Variants in MREG observed in about 807,000 individuals in gnomAD.
MREG encodes the protein melanoregulin.
A neutral mutation model predicts 28.5 loss-of-function variants in MREG; 31 were observed. The ratio of observed to expected loss-of-function variants is 1.09; its 90% CI spans 0.82 to 1.47. The LOEUF is 1.47. Ranked by LOEUF, MREG falls within the 40% of genes most tolerant of loss-of-function variation. The pLI is 0.00. For missense variants in MREG, 256 were observed against 257.4 expected, an observed-to-expected ratio of 0.99 and a Z score of 0.04; for synonymous variants, 106 against 95.2, an observed-to-expected ratio of 1.11 and a Z score of -0.66.
intron 2 of MREG, among the ~76,000 whole-genome samples, chr2:215,986,333 T>C (rs112258493): frequency 1.1e-3 from 172 of 152,296 alleles, no homozygotes; most frequent in African/African-American, 4.0e-3. Flanking sequence ...GGCGAGTGGG[T>C]TCACATTCTC....
intron 2 of MREG, among the ~76,000 whole-genome samples, chr2:215,971,618 C>T (rs1387828439): frequency 2.0e-5 from 3 of 152,118 alleles, no homozygotes; most frequent in East Asian, 1.9e-4. Flanking sequence ...ATGAGAAGTT[C>T]GCATAAAGAA....
chr2:215,940,485 A>G (rs1692185019), downstream of MREG, among the ~76,000 whole-genome samples: 1 of 152,208 alleles, frequency 6.6e-6, no homozygotes, highest in Non-Finnish European at 1.5e-5. Flanking sequence ...TTCTGCTGCT[A>G]CCACTGCAGT....
intron 2 of MREG, among the ~76,000 whole-genome samples, chr2:215,972,374 G>A (rs1406154267): frequency 1.3e-5 from 2 of 152,204 alleles, no homozygotes; most frequent in South Asian, 2.1e-4. Flanking sequence ...CAGGTGCAGT[G>A]GCTCACACCT....
At chr2:215,958,978 C>T (rs1192819014) in intron 2 of MREG, among the ~76,000 whole-genome samples, 1 of 152,086 alleles carries the variant, frequency 6.6e-6, no homozygotes, top group East Asian at 1.9e-4. Context: ...GCAACAATAT[C>T]CTGCCTAGAG....
chr2:215,981,276 T>A (rs1477155482), intron 2 of MREG, among the ~76,000 whole-genome samples: 1 of 151,956 alleles, frequency 6.6e-6, no homozygotes, highest in Admixed American at 6.5e-5. Context: ...AATGGATGAG[T>A]GAGTAAACCG....
intron 2 of MREG, among the ~76,000 whole-genome samples, chr2:215,948,214 T>TG (rs1260042027): frequency 2.0e-5 from 3 of 152,246 alleles, no homozygotes; most frequent in Admixed American, 2.0e-4. Flanking sequence ...CCAATTTAGC[T>TG]GCCATTCGCA....
intron 2 of MREG, among the ~76,000 whole-genome samples, chr2:215,982,375 C>G (rs567313988): frequency 5.9e-5 from 9 of 151,708 alleles, no homozygotes; most frequent in Non-Finnish European, 1.3e-4. Flanking sequence ...CATTGATTCT[C>G]TTAATGCTAA....
At chr2:215,965,581 A>G (rs1270595855) in intron 2 of MREG, among the ~76,000 whole-genome samples, 1 of 152,228 alleles carries the variant, frequency 6.6e-6, no homozygotes, top group Admixed American at 6.5e-5. Flanking sequence ...TTAGCCCAAA[A>G]GCTTCTTGTT....
At chr2:215,948,520 C>A (rs546553255) in intron 2 of MREG, among the ~76,000 whole-genome samples, 2 of 152,276 alleles carry the variant, frequency 1.3e-5, no homozygotes, top group Non-Finnish European at 2.9e-5. Flanking sequence ...AATATGCAAC[C>A]CTAGCCACAT....
chr2:216,026,108 C>T (rs1188413617), intron 1 of MREG, among the ~76,000 whole-genome samples: 1 of 152,066 alleles, frequency 6.6e-6, no homozygotes, highest in East Asian at 1.9e-4. Flanking sequence ...AAGCCAGACA[C>T]AAAAGGTCAC....
At chr2:215,954,621 C>A (rs894800312) in intron 2 of MREG, among the ~76,000 whole-genome samples, 2 of 152,102 alleles carry the variant, frequency 1.3e-5, no homozygotes, top group Non-Finnish European at 2.9e-5. Flanking sequence ...AGCCCACAGA[C>A]TCTATAAAAA....
chr2:216,023,159 G>A (rs943092263), intron 1 of MREG, among the ~76,000 whole-genome samples: 3 of 152,130 alleles, frequency 2.0e-5, no homozygotes, highest in Non-Finnish European at 4.4e-5. Context: ...GGACCTCCCC[G>A]ACAAAGGTTA....
In MREG at chr2:215,949,074, ACTAC is replaced by A. The variant is rs1559173495; in HGVS notation, c.256-1965_256-1962del. On this transcript the variant is annotated intron_variant, in intron 2 of 4. Coordinates refer to ENST00000263268, the MANE Select transcript of MREG (RefSeq NM_018000.3). ...TACTACTACTACTACTACTACTACT[ACTAC>A]TACTACTACTAATAATAATAATAAT... Among the ~76,000 whole-genome samples, 862 of 132,254 alleles carry A rather than the reference ACTAC, an allele frequency of 6.5e-3. 5 individuals carry two copies. The highest frequency in any genetic ancestry group is 0.014 in the African/African-American group (517 of 36,300). The allele number at this position is 132,254 out of a possible 152,430, so 86.8% of individuals were successfully genotyped here.
intron 1 of MREG, among the ~76,000 whole-genome samples, chr2:216,009,188 T>A (rs1694234404): frequency 6.6e-6 from 1 of 152,208 alleles, no homozygotes; most frequent in Admixed American, 6.5e-5. Context: ...ACACCTTATT[T>A]AATATATATT....
intron 2 of MREG, among the ~76,000 whole-genome samples, chr2:215,971,453 A>G (rs2105990225): frequency 6.6e-6 from 1 of 152,258 alleles, no homozygotes; most frequent in East Asian, 1.9e-4. Context: ...CCCAACCATC[A>G]CTTCAAAACA....
intron 1 of MREG, among the ~76,000 whole-genome samples, chr2:216,000,728 C>T (rs35990801): frequency 0.11 from 17,159 of 152,154 alleles, 1,603 homozygotes; most frequent in African/African-American, 0.25. Context: ...ACTTGTTGAA[C>T]GCAACAAACT....
chr2:216,027,112 G>C (rs1350023005), intron 1 of MREG, among the ~76,000 whole-genome samples: 1 of 152,162 alleles, frequency 6.6e-6, no homozygotes, highest in Admixed American at 6.5e-5. Flanking sequence ...TTATCCGTTT[G>C]CAAAGACACC....
intron 1 of MREG, among the ~76,000 whole-genome samples, chr2:216,023,391 T>C (rs1280748887): frequency 2.6e-5 from 4 of 152,202 alleles, no homozygotes; most frequent in Admixed American, 2.6e-4. Flanking sequence ...CATAGTAATA[T>C]TTAAGTGGGA....
intron 1 of MREG, among the ~76,000 whole-genome samples, chr2:216,011,052 T>C (rs912034660): frequency 2.1e-5 from 3 of 142,644 alleles, no homozygotes. Flanking sequence ...GCCGAGATCA[T>C]GCCACTGCAC....
Sources: allele counts gnomAD v4.1 joint callset (sites outside exome capture counted in the v4.1 genomes callset), GRCh38; gene constraint gnomAD v4.1.1; transcripts MANE v1.5; gene names NCBI Gene and HGNC (gene_info 2026-07-23, HGNC 2026-07-21).